The following DHRSX variants were observed in gnomAD, a reference collection of about 807,000 sequenced individuals.
DHRSX encodes the protein dehydrogenase/reductase X-linked, also known as polyprenol dehydrogenase.
In DHRSX, 31 loss-of-function variants were observed where a neutral mutation model predicts 34.0. That is an observed-to-expected ratio of 0.91 (90% CI 0.69 to 1.23). DHRSX has a LOEUF of 1.23. Among genes scored for constraint, DHRSX ranks in the 50% most tolerant of loss-of-function variants. The pLI is 0.00. For synonymous variants in DHRSX, 201 were observed against 183.8 expected, an observed-to-expected ratio of 1.09 and a Z score of -0.76; for missense variants, 414 against 428.1, an observed-to-expected ratio of 0.97 and a Z score of 0.29.
chrX:2,374,409 G>A (rs1303688955), intron 3 of DHRSX, among the ~76,000 whole-genome samples: 1 of 151,514 alleles, frequency 6.6e-6, no homozygotes, highest in Admixed American at 6.6e-5. Flanking sequence ...GACCACCCAG[G>A]GCAACATAGT....
intron 4 of DHRSX, among the ~76,000 whole-genome samples, chrX:2,283,761 C>G (rs2041763606): frequency 6.6e-6 from 1 of 152,182 alleles, no homozygotes; most frequent in African/African-American, 2.4e-5. Flanking sequence ...TCATTTGATT[C>G]CATTCATTCA....
intron 1 of DHRSX, among the ~76,000 whole-genome samples, chrX:2,436,895 C>T (rs1405739100): frequency 1.6e-4 from 25 of 152,000 alleles, no homozygotes; most frequent in Non-Finnish European, 3.2e-4. Context: ...GGCCTCCCGA[C>T]GTGTTGCAAT....
chrX:2,364,327 G>A (rs987934378), intron 3 of DHRSX, among the ~76,000 whole-genome samples: 1 of 152,146 alleles, frequency 6.6e-6, no homozygotes, highest in Non-Finnish European at 1.5e-5. Context: ...CATGTCAAGT[G>A]GGTGGAGCCC....
intron 1 of DHRSX, among the ~76,000 whole-genome samples, chrX:2,464,926 G>A (rs920702068): frequency 2.0e-5 from 3 of 151,094 alleles, no homozygotes; most frequent in African/African-American, 7.3e-5. Context: ...CCTAACCATA[G>A]GCCAACAGAC....
chrX:2,414,144 ATGAC>A (rs1212529953), intron 2 of DHRSX, among the ~76,000 whole-genome samples: 5 of 152,056 alleles, frequency 3.3e-5, no homozygotes, highest in Admixed American at 6.6e-5. Context: ...AGAACTAATC[ATGAC>A]TGACTATGAC....
chrX:2,416,458 C>T (rs1451025526), intron 2 of DHRSX, among the ~76,000 whole-genome samples: 2 of 152,164 alleles, frequency 1.3e-5, no homozygotes, highest in Non-Finnish European at 2.9e-5. Context: ...AAACCAGAGT[C>T]ACCAATCTGC....
chrX:2,285,496 G>T (rs2041793740), intron 4 of DHRSX, among the ~76,000 whole-genome samples: 1 of 152,194 alleles, frequency 6.6e-6, no homozygotes, highest in Non-Finnish European at 1.5e-5. Flanking sequence ...TCTGACAGGA[G>T]GCAGAGCTCA....
chrX:2,302,508 T>C (rs1384047399), intron 3 of DHRSX, among the ~76,000 whole-genome samples: 5 of 152,084 alleles, frequency 3.3e-5, no homozygotes, highest in African/African-American at 1.2e-4. Flanking sequence ...GCTACTTGGA[T>C]GGCTGAGGCA....
chrX:2,263,181 C>CTGTG (rs1399398014), intron 5 of DHRSX, among the ~76,000 whole-genome samples: 1 of 152,212 alleles, frequency 6.6e-6, no homozygotes. Context: ...GCGAGTCCGA[C>CTGTG]TGTGTGCTCT....
intron 3 of DHRSX, among the ~76,000 whole-genome samples, chrX:2,378,795 C>G (rs868294165): frequency 8.9e-4 from 136 of 152,062 alleles, no homozygotes; most frequent in Admixed American, 4.6e-3. Context: ...CTCAGCCCCC[C>G]GAGTAGCTGG....
chrX:2,244,281 C>T (rs2016226180), intron 5 of DHRSX, among the ~76,000 whole-genome samples: 1 of 145,370 alleles, frequency 6.9e-6, no homozygotes, highest in Admixed American at 7.1e-5. Flanking sequence ...ATCCGATAAC[C>T]GCGGTAAAGT....
intron 3 of DHRSX, among the ~76,000 whole-genome samples, chrX:2,382,331 G>C (rs2043212171): frequency 6.6e-6 from 1 of 152,128 alleles, no homozygotes; most frequent in Non-Finnish European, 1.5e-5. Flanking sequence ...AAGCCACAGA[G>C]ACTTGGGAGG....
At chrX:2,275,514 CA>C (rs113619915) in intron 4 of DHRSX, among the ~76,000 whole-genome samples, 119,132 of 143,678 alleles carry the variant, frequency 0.83, 49,977 homozygotes, top group Middle Eastern at 0.91. Context: ...TGTTTCAAAA[CA>C]AAAAAAAAAA....
chrX:2,313,618 C>T lies in DHRSX; in HGVS notation c.287-22015G>A, dbSNP rs1470109452. ...TCATGACCTCGTGATCTGCCCACCTCGGCCTCCCAAAGTGCTAGAATTACA... is the reference window on the plus strand; with the variant it reads ...TCATGACCTCGTGATCTGCCCACCTTGGCCTCCCAAAGTGCTAGAATTACA... On this transcript the variant is annotated intron_variant, in intron 3 of 6. Transcript: ENST00000334651. Among the ~76,000 whole-genome samples the T allele has an allele frequency of 2.6e-5, 4 of 152,246 alleles. No individual in the cohort carries two copies. The South Asian group carries it at 6.2e-4, about 24-fold the overall frequency.
intron 4 of DHRSX, among the ~76,000 whole-genome samples, chrX:2,284,727 G>C (rs1348464152): frequency 6.6e-6 from 1 of 152,092 alleles, no homozygotes; most frequent in Admixed American, 6.6e-5. Flanking sequence ...CATAAATACC[G>C]GCTCTGCAGG....
chrX:2,408,402 C>A (rs959090343), intron 3 of DHRSX, among the ~76,000 whole-genome samples: 5 of 152,124 alleles, frequency 3.3e-5, no homozygotes, highest in African/African-American at 1.2e-4. Flanking sequence ...GAACTCCCAA[C>A]CAGCAGAGGC....
chrX:2,314,483 A>AAGGGAGGAAGGAAGGG (rs1556466908), intron 3 of DHRSX, among the ~76,000 whole-genome samples: 5 of 46,048 alleles, frequency 1.1e-4, no homozygotes, highest in Non-Finnish European at 2.3e-4. Context: ...GGAAGGAAGG[A>AAGGGAGGAAGGAAGGG]AGGAAGGGAG....
At position 2,422,693 on chromosome X, in the gene DHRSX, C is replaced by T. The variant is rs145303339; in HGVS notation, c.217+2504G>A. On this transcript the variant is annotated intron_variant, in intron 2 of 6. Transcript: ENST00000334651. ...GCCTAGTGGCTCACACTTGTAATCC[C>T]AGCACTTTGGGAGGCCAAGGTGGGA... Among the ~76,000 whole-genome samples the T allele has an allele frequency of 8.8e-3, 1,345 of 152,222 alleles. 9 individuals carry two copies. The highest frequency in any genetic ancestry group is 0.031 in the African/African-American group (1,285 of 41,554).
chrX:2,348,419 G>A (rs1397232089), intron 3 of DHRSX, among the ~76,000 whole-genome samples: 3 of 152,106 alleles, frequency 2.0e-5, no homozygotes, highest in Admixed American at 2.0e-4. Context: ...TCAGTCCCTC[G>A]CAGCCAGAAT....
Sources: gnomAD v4.1 joint callset for allele counts (sites outside exome capture counted in the v4.1 genomes callset) on GRCh38, gnomAD v4.1.1 for gene constraint, MANE v1.5 for transcripts, NCBI Gene and HGNC (gene_info 2026-07-23, HGNC 2026-07-21) for gene names.